The following ADAMTS16 variants were observed in gnomAD, a reference collection of about 807,000 sequenced individuals.
The protein encoded by ADAMTS16 is A disintegrin and metalloproteinase with thrombospondin motifs 16.
ADAMTS16 carries 94 observed loss-of-function variants against 145.8 expected under a neutral mutation model. That is an observed-to-expected ratio of 0.64 (90% CI 0.55 to 0.77). The LOEUF (loss-of-function observed/expected upper bound fraction) is 0.77. ADAMTS16 is among the 30% of genes least tolerant of loss of function. The pLI, the probability that ADAMTS16 is intolerant of heterozygous loss-of-function variation, is 0.00. For synonymous variants in ADAMTS16, 659 were observed against 604.3 expected (o/e 1.09, Z -1.33); for missense variants, 1,585 against 1,591.5 (o/e 1.00, Z 0.07).
At chr5:5,190,327 G>A (rs1465305238) in intron 7 of ADAMTS16, among the ~76,000 whole-genome samples, 197 bp downstream of exon 7, 1 of 152,060 alleles carries the variant, frequency 6.6e-6, no homozygotes, top group Non-Finnish European at 1.5e-5. Context: ...AGTGATTATT[G>A]AACAAGTAAA....
rs1463051635 is a variant in ADAMTS16, at chr5:5,319,719, G to C, written c.*581G>C. 1 of 364,314 alleles carries C rather than the reference G, an allele frequency of 2.7e-6. No individual in the cohort carries two copies. Among genetic ancestry groups the C allele is most frequent in the African/African-American group, 2.2e-5 (1 of 46,266 alleles). The allele number at this position is 364,314 out of a possible 1,614,324, so 22.6% of individuals were successfully genotyped here. ...TACCAGGAACCTGGAGCCACCGCCG[G>C]AGCCAGCGTCATCTCTAGGGTCACT... On this transcript the variant is annotated 3_prime_UTR_variant, in exon 23 of 23. Coordinates refer to ENST00000274181, the MANE Select transcript of ADAMTS16 (RefSeq NM_139056.4).
At chr5:5,264,634 C>T (rs1046757849) in intron 18 of ADAMTS16, among the ~76,000 whole-genome samples, 3 of 152,124 alleles carry the variant, frequency 2.0e-5, no homozygotes, top group African/African-American at 7.2e-5. Flanking sequence ...CTTGCAATCA[C>T]AGTAAGGAGG....
intron 18 of ADAMTS16, among the ~76,000 whole-genome samples, chr5:5,286,422 T>A (rs901131597): frequency 6.6e-6 from 1 of 152,230 alleles, no homozygotes; most frequent in Non-Finnish European, 1.5e-5. Flanking sequence ...ATTTTCAACA[T>A]GATTCATTTG....
chr5:5,201,500 AG>A (rs1394228530), intron 9 of ADAMTS16, among the ~76,000 whole-genome samples: 6 of 152,200 alleles, frequency 3.9e-5, no homozygotes, highest in Non-Finnish European at 7.3e-5. Context: ...ATTATTAAAA[AG>A]TAGGGCAAAT....
intron 18 of ADAMTS16, among the ~76,000 whole-genome samples, chr5:5,296,967 C>T (rs1055118784): frequency 1.3e-5 from 2 of 152,176 alleles, no homozygotes; most frequent in African/African-American, 4.8e-5. Flanking sequence ...GAGAGGTGGC[C>T]TTCCAGCACA....
intron 20 of ADAMTS16, among the ~76,000 whole-genome samples, chr5:5,304,980 CA>C (rs1739979145): frequency 8.3e-6 from 1 of 120,590 alleles, no homozygotes; most frequent in Non-Finnish European, 1.7e-5. Flanking sequence ...CACACACACA[CA>C]TCCTACACCA....
intron 6 of ADAMTS16, 83 bp from the exon 7 acceptor site, chr5:5,189,888 T>C: frequency 6.5e-7 from 1 of 1,531,600 alleles, no homozygotes; most frequent in Non-Finnish European, 8.9e-7. Flanking sequence ...TCCAGGTCAA[T>C]AATAGTTTGC....
rs1293158163 is a variant in ADAMTS16 at position 5,317,991 on chromosome 5, A to G, written c.3412-143A>G. 4 of 970,192 alleles carry G rather than the reference A, an allele frequency of 4.1e-6. No homozygotes were observed. The highest frequency in any genetic ancestry group is 1.7e-5 in the African/African-American group (1 of 58,872). 60.1% of individuals were successfully genotyped at this position (970,192 alleles called of 1,614,324 possible). A position where few individuals can be genotyped will look rare whatever the true frequency, so the allele number is the denominator to read the frequency against. ...TCACTCGCGCACATCGTGGCCAACCATAACTCCACCTGCCTCTGCGACTAA... is the reference window on the plus strand; with the variant it reads ...TCACTCGCGCACATCGTGGCCAACCGTAACTCCACCTGCCTCTGCGACTAA... On this transcript the variant is annotated intron_variant, in intron 21 of 22. Transcript: ENST00000274181. This position sits in a 1 kb window ranked among gnomAD's most constrained non-coding sequence, Gnocchi z 4.5.
intron 16 of ADAMTS16, among the ~76,000 whole-genome samples, chr5:5,241,648 C>T (rs908076097): frequency 3.9e-5 from 6 of 152,168 alleles, no homozygotes; most frequent in African/African-American, 1.4e-4. Context: ...TGCTCAGATG[C>T]AGGGGATCCC....
chr5:5,174,796 T>A (rs1018767324), intron 3 of ADAMTS16, among the ~76,000 whole-genome samples: 4 of 152,232 alleles, frequency 2.6e-5, no homozygotes, highest in African/African-American at 9.6e-5. Context: ...TGATTCTTTT[T>A]AATTATTTCA....
intron 21 of ADAMTS16, among the ~76,000 whole-genome samples, chr5:5,309,260 A>G (rs1740314899): frequency 6.6e-6 from 1 of 152,218 alleles, no homozygotes; most frequent in African/African-American, 2.4e-5. Flanking sequence ...AATGCCTAAT[A>G]CATGCTGCAC....
At chr5:5,306,479 ACTT>A in intron 20 of ADAMTS16, 22 bp from the exon 21 acceptor site, 3 of 1,579,916 alleles carry the variant, frequency 1.9e-6, no homozygotes, top group Middle Eastern at 1.7e-4. Context: ...TTTTTCACTG[ACTT>A]CTTTTGTTCT....
At chr5:5,207,024 T>C (rs1365902315) in intron 9 of ADAMTS16, among the ~76,000 whole-genome samples, 1 of 152,226 alleles carries the variant, frequency 6.6e-6, no homozygotes, top group Non-Finnish European at 1.5e-5. Context: ...ATTGCTCTGG[T>C]TATTTTAAGT....
At chr5:5,172,194 C>T (rs568595805) in intron 3 of ADAMTS16, among the ~76,000 whole-genome samples, 1 of 152,034 alleles carries the variant, frequency 6.6e-6, no homozygotes, top group Admixed American at 6.6e-5. Context: ...TTTCAAAAAA[C>T]CAACTTTTCG....
intron 18 of ADAMTS16, among the ~76,000 whole-genome samples, chr5:5,265,668 A>C (rs570085068): frequency 6.6e-6 from 1 of 152,262 alleles, no homozygotes; most frequent in African/African-American, 2.4e-5. Context: ...CTTGTGGTAA[A>C]GTGGGCTCAG....
At chr5:5,308,341 C>A (rs372997023) in intron 21 of ADAMTS16, among the ~76,000 whole-genome samples, 13 of 152,392 alleles carry the variant, frequency 8.5e-5, no homozygotes, top group African/African-American at 2.9e-4. Flanking sequence ...AGCCTTCCCT[C>A]TCTGCCCACC....
intron 18 of ADAMTS16, among the ~76,000 whole-genome samples, chr5:5,273,314 T>C (rs1380478639): frequency 6.6e-6 from 1 of 152,194 alleles, no homozygotes; most frequent in Non-Finnish European, 1.5e-5. Flanking sequence ...GCTCAGGAGT[T>C]CGAGACCAGC....
Position 5,141,901 on chromosome 5 carries a change from T to C in ADAMTS16, c.175+1135T>C, listed in dbSNP as rs553980458. ...AATGATATAAAATGTTAAAAAAAAT[T>C]GTCACAGTGAATTTACAAGAGAAAG... On this transcript the variant is annotated intron_variant, in intron 2 of 22. Coordinates refer to ENST00000274181, the MANE Select transcript of ADAMTS16 (RefSeq NM_139056.4). Among the ~76,000 whole-genome samples the C allele has an allele frequency of 1.3e-4, 20 of 152,080 alleles. No individual in the cohort carries two copies. The East Asian group carries it at 3.9e-3, about 29-fold the overall frequency.
At chr5:5,155,653 G>A (rs1202053039) in intron 3 of ADAMTS16, among the ~76,000 whole-genome samples, 1 of 152,150 alleles carries the variant, frequency 6.6e-6, no homozygotes, top group Admixed American at 6.5e-5. Flanking sequence ...AGTGTAGCTG[G>A]TTCTTTAAGT....
Sources: allele counts gnomAD v4.1 joint callset (sites outside exome capture counted in the v4.1 genomes callset), GRCh38; gene constraint gnomAD v4.1.1; non-coding constraint Gnocchi (gnomAD v3.1); transcripts MANE v1.5; gene names NCBI Gene and HGNC (gene_info 2026-07-23, HGNC 2026-07-21).